The following CSMD3 variants were observed in gnomAD, a reference collection of about 807,000 sequenced individuals.
The protein encoded by CSMD3 is CUB and sushi domain-containing protein 3.
A neutral mutation model predicts 435.2 loss-of-function variants in CSMD3; 177 were observed. The observed-to-expected ratio is 0.41, with a 90% confidence interval of 0.36 to 0.46. The LOEUF (loss-of-function observed/expected upper bound fraction) is 0.46. Ranked by LOEUF, CSMD3 falls within the 20% of genes least tolerant of loss-of-function variation. The pLI is 0.34. For missense variants in CSMD3, 4,265 were observed against 4,504.6 expected (o/e 0.95, Z 1.52); for synonymous variants, 1,656 against 1,520.5 (o/e 1.09, Z -2.07).
intron 10 of CSMD3, among the ~76,000 whole-genome samples, chr8:112,920,368 G>A (rs966073824): frequency 2.0e-5 from 3 of 151,776 alleles, no homozygotes; most frequent in Admixed American, 6.6e-5. Context: ...CAAAGAAACA[G>A]TCAGAAGGTG....
intron 11 of CSMD3, among the ~76,000 whole-genome samples, chr8:112,840,953 GGGGGAAGAA>G (rs2080162142): frequency 6.6e-6 from 1 of 151,506 alleles, no homozygotes; most frequent in Non-Finnish European, 1.5e-5. Context: ...TTCCTTCACT[GGGGGAAGAA>G]TATAGTAAAT....
At chr8:112,309,831 T>A (rs1821795516) in intron 50 of CSMD3, among the ~76,000 whole-genome samples, 1 of 152,192 alleles carries the variant, frequency 6.6e-6, no homozygotes, top group Admixed American at 6.5e-5. Flanking sequence ...AAGTGCCTGG[T>A]AATACCTATT....
chr8:112,623,114 T>C lies in CSMD3; in HGVS notation c.3715+13703A>G, dbSNP rs182780310. Reference sequence around the variant, plus strand: ...ATGAAATAAGACCTATTCATCATTGTAGAAACTGTGTCCTTCAAGGACTGA... The same window carrying C: ...ATGAAATAAGACCTATTCATCATTGCAGAAACTGTGTCCTTCAAGGACTGA... On this transcript the variant is annotated intron_variant, in intron 22 of 70. Coordinates refer to ENST00000297405, the MANE Select transcript of CSMD3 (RefSeq NM_198123.2). 1.7e-4 allele frequency among the ~76,000 whole-genome samples: 26 copies of C among 152,216 alleles called. No homozygotes were observed. The East Asian group carries it at 4.1e-3, about 24-fold the overall frequency.
At chr8:112,847,861 G>A (rs1032992351) in intron 11 of CSMD3, among the ~76,000 whole-genome samples, 3 of 152,156 alleles carry the variant, frequency 2.0e-5, no homozygotes, top group African/African-American at 7.2e-5. Context: ...ACTTTATGGG[G>A]AGGAAGATTA....
intron 2 of CSMD3, chr8:113,314,119 A>C (rs2093891499): frequency 1.3e-5 from 2 of 152,770 alleles, no homozygotes; most frequent in Admixed American, 1.3e-4. Flanking sequence ...AGATTTTATA[A>C]ACTACACACA....
At chr8:113,355,722 TTATATATATA>T (rs1299902928) in intron 1 of CSMD3, among the ~76,000 whole-genome samples, 7 of 77,796 alleles carry the variant, frequency 9.0e-5, no homozygotes, top group African/African-American at 2.8e-4. Context: ...AGTTTTATTT[TTATATATATA>T]TATATATATA....
intron 13 of CSMD3, among the ~76,000 whole-genome samples, chr8:112,755,433 T>G (rs535079829): frequency 1.3e-5 from 2 of 151,398 alleles, no homozygotes; most frequent in South Asian, 4.2e-4. Context: ...CCTGATGGTT[T>G]TATAAGAGTC....
intron 20 of CSMD3, among the ~76,000 whole-genome samples, chr8:112,641,413 G>T (rs907903702): frequency 6.6e-6 from 1 of 152,098 alleles, no homozygotes; most frequent in Non-Finnish European, 1.5e-5. Flanking sequence ...CCTATTTGAG[G>T]AAAAAGGTAC....
chr8:113,151,890 C>T (rs1260316641), intron 4 of CSMD3, among the ~76,000 whole-genome samples: 3 of 151,956 alleles, frequency 2.0e-5, no homozygotes, highest in Non-Finnish European at 4.4e-5. Context: ...CAAAGCATTA[C>T]TGGTGGAAAT....
chr8:112,680,221 G>T (rs1563844212), intron 16 of CSMD3, among the ~76,000 whole-genome samples: 1 of 152,110 alleles, frequency 6.6e-6, no homozygotes, highest in Non-Finnish European at 1.5e-5. Context: ...AGATGGGTGT[G>T]GTGATGTGCA....
intron 11 of CSMD3, among the ~76,000 whole-genome samples, chr8:112,834,854 T>G (rs2079975953): frequency 6.6e-6 from 1 of 151,868 alleles, no homozygotes; most frequent in South Asian, 2.1e-4. Context: ...TTTTACTTCT[T>G]CCTAATCATT....
intron 12 of CSMD3, among the ~76,000 whole-genome samples, chr8:112,808,095 T>C (rs2079135785): frequency 6.6e-6 from 1 of 152,182 alleles, no homozygotes; most frequent in African/African-American, 2.4e-5. Context: ...TACAGTCTAT[T>C]CCTAAGGTAC....
At chr8:112,634,252 AC>A (rs1324400475) in intron 22 of CSMD3, among the ~76,000 whole-genome samples, 5 of 152,054 alleles carry the variant, frequency 3.3e-5, no homozygotes, top group Non-Finnish European at 5.9e-5. Context: ...GGAAAAAAAA[AC>A]AAAATAAGAA....
At chr8:113,206,136 C>T (rs966772816) in intron 3 of CSMD3, among the ~76,000 whole-genome samples, 9 of 152,042 alleles carry the variant, frequency 5.9e-5, no homozygotes, top group African/African-American at 1.7e-4. Flanking sequence ...TTCTGTCTGG[C>T]TCTTTGTTGA....
rs7823881 is a variant in CSMD3 at position 112,894,919 on chromosome 8, G to T, written c.1633+26708C>A. On this transcript the variant is annotated intron_variant, in intron 10 of 70. Coordinates refer to ENST00000297405, the MANE Select transcript of CSMD3 (RefSeq NM_198123.2). ...CATAGATAAGCAATCACTAACACTG[G>T]AATGGATAATAAATGCCAGTGGAGT... 6.6e-3 allele frequency among the ~76,000 whole-genome samples: 994 copies of T among 151,448 alleles called. 9 individuals carry two copies. Among genetic ancestry groups the T allele is most frequent in the African/African-American group, 0.023 (960 of 41,424 alleles).
chr8:113,152,536 C>T (rs2091832914), intron 4 of CSMD3, among the ~76,000 whole-genome samples: 2 of 152,028 alleles, frequency 1.3e-5, no homozygotes, highest in African/African-American at 4.8e-5. Flanking sequence ...TTAACCCAAT[C>T]CCTTTTAACC....
intron 1 of CSMD3, among the ~76,000 whole-genome samples, chr8:113,412,200 G>C (rs1036689915): frequency 1.3e-5 from 2 of 152,060 alleles, no homozygotes; most frequent in African/African-American, 4.8e-5. Context: ...CTAGCCAGGA[G>C]TCATTAAGGA....
chr8:112,555,329 G>T (rs1295579321), intron 25 of CSMD3, among the ~76,000 whole-genome samples: 1 of 151,792 alleles, frequency 6.6e-6, no homozygotes, highest in East Asian at 1.9e-4. Context: ...TAATGTATTT[G>T]TTTGTGGTTT....
intron 24 of CSMD3, among the ~76,000 whole-genome samples, chr8:112,567,924 C>T (rs1021921920): frequency 2.6e-5 from 4 of 152,080 alleles, no homozygotes; most frequent in Non-Finnish European, 4.4e-5. Context: ...TAACTTGTGT[C>T]GCGTAAAGTA....
Sources: allele counts gnomAD v4.1 joint callset (sites outside exome capture counted in the v4.1 genomes callset), GRCh38; gene constraint gnomAD v4.1.1; transcripts MANE v1.5; gene names NCBI Gene and HGNC (gene_info 2026-07-23, HGNC 2026-07-21).